The following CREB5 variants were observed in gnomAD, a reference collection of about 807,000 sequenced individuals.
CREB5 encodes the protein cAMP responsive element binding protein 5, also known as cyclic AMP-responsive element-binding protein 5.
Under a neutral mutation model 57.1 loss-of-function variants are expected in CREB5, and 19 were observed. That is an observed-to-expected ratio of 0.33 (90% CI 0.23 to 0.49). The LOEUF is 0.49. Ranked by LOEUF, CREB5 falls within the 20% of genes least tolerant of loss-of-function variation. CREB5 has a pLI of 0.99. For missense variants in CREB5, 579 were observed against 671.6 expected, an observed-to-expected ratio of 0.86 and a Z score of 1.52; for synonymous variants, 238 against 238.3, an observed-to-expected ratio of 1.00 and a Z score of 0.01.
intron 1 of CREB5, among the ~76,000 whole-genome samples, chr7:28,341,607 G>C (rs1443491133): frequency 6.6e-6 from 1 of 152,150 alleles, no homozygotes; most frequent in Non-Finnish European, 1.5e-5. Flanking sequence ...GAAGGGGTTT[G>C]CACTTTATTT....
intron 1 of CREB5, among the ~76,000 whole-genome samples, chr7:28,437,159 T>C (rs905196266): frequency 1.3e-5 from 2 of 152,142 alleles, no homozygotes; most frequent in African/African-American, 4.8e-5. Flanking sequence ...GACTTCACAC[T>C]ACTGTTTGTG....
chr7:28,337,632 T>A (rs73293239), intron 1 of CREB5, among the ~76,000 whole-genome samples: 1,948 of 152,162 alleles, frequency 0.013, 48 homozygotes, highest in African/African-American at 0.045. Flanking sequence ...CATTGGGTCT[T>A]GTTTGTTTTT....
chr7:28,313,905 T>C (rs1785327163), intron 1 of CREB5, among the ~76,000 whole-genome samples: 1 of 152,222 alleles, frequency 6.6e-6, no homozygotes, highest in Admixed American at 6.5e-5. Flanking sequence ...CAATGAGTTT[T>C]ATTGGGAGCT....
intron 1 of CREB5, among the ~76,000 whole-genome samples, chr7:28,399,921 G>C (rs1390995004): frequency 6.6e-6 from 1 of 152,166 alleles, no homozygotes; most frequent in Non-Finnish European, 1.5e-5. Flanking sequence ...AGCTGGGCGT[G>C]GTGGCAGGTG....
At chr7:28,784,504 C>T (rs901486774) in intron 7 of CREB5, among the ~76,000 whole-genome samples, 4 of 151,546 alleles carry the variant, frequency 2.6e-5, no homozygotes, top group Non-Finnish European at 5.9e-5. Context: ...ATTTTTTTTT[C>T]CCCCTCCTGG....
At chr7:28,736,903 C>T (rs1227394451) in intron 7 of CREB5, among the ~76,000 whole-genome samples, 4 of 150,024 alleles carry the variant, frequency 2.7e-5, no homozygotes, top group Non-Finnish European at 5.9e-5. Flanking sequence ...ATCCCTAGAA[C>T]CGTGCATGGA....
chr7:28,816,583 T>TA (rs1809453239), intron 9 of CREB5, among the ~76,000 whole-genome samples: 1 of 151,662 alleles, frequency 6.6e-6, no homozygotes, highest in African/African-American at 2.4e-5. Context: ...TATTTTATTA[T>TA]TTTTGTTATT....
At chr7:28,529,812 T>C (rs1793643354) in intron 4 of CREB5, among the ~76,000 whole-genome samples, 1 of 152,220 alleles carries the variant, frequency 6.6e-6, no homozygotes, top group Non-Finnish European at 1.5e-5. Flanking sequence ...CTTCAAGACA[T>C]GCTCAGCTCC....
chr7:28,547,786 A>G (rs1293208809), intron 4 of CREB5, among the ~76,000 whole-genome samples: 1 of 152,204 alleles, frequency 6.6e-6, no homozygotes, highest in Admixed American at 6.5e-5. Context: ...ATCTTTCGGT[A>G]TGTAGCTTTG....
intron 7 of CREB5, among the ~76,000 whole-genome samples, chr7:28,798,867 C>T (rs971977074): frequency 6.6e-6 from 1 of 152,168 alleles, no homozygotes; most frequent in Non-Finnish European, 1.5e-5. Context: ...CTCTCTCTCC[C>T]TTGCCTTTTC....
rs113464604 is a variant in CREB5 at position 28,430,673 on chromosome 7, T to TAAC, written c.3+17771_3+17773dup. Among the ~76,000 whole-genome samples, 1,499 of 152,242 alleles carry TAAC rather than the reference T, an allele frequency of 9.8e-3. 15 individuals carry two copies. The highest frequency in any genetic ancestry group is 0.017 in the Non-Finnish European group (1,129 of 68,014). ...GCTCAGTTTTCTTTTGCTAGCATCC[T>TAAC]AACAACAACAACAACAAAAATGTCA... On this transcript the variant is annotated intron_variant, in intron 1 of 10. Transcript: ENST00000357727.
At chr7:28,802,311 CTT>C (rs1447916851) in intron 7 of CREB5, among the ~76,000 whole-genome samples, 1 of 151,836 alleles carries the variant, frequency 6.6e-6, no homozygotes, top group Non-Finnish European at 1.5e-5. Flanking sequence ...ATCCTTTCCT[CTT>C]GTTTTTTATT....
chr7:28,743,468 G>C (rs1804495254), intron 7 of CREB5, among the ~76,000 whole-genome samples: 1 of 152,168 alleles, frequency 6.6e-6, no homozygotes, highest in Non-Finnish European at 1.5e-5. Context: ...AGGAAGTCAA[G>C]GCTGCAGTGA....
intron 4 of CREB5, among the ~76,000 whole-genome samples, chr7:28,509,643 G>A (rs1034780655): frequency 1.3e-5 from 2 of 152,224 alleles, no homozygotes; most frequent in African/African-American, 4.8e-5. Flanking sequence ...TGTTTCGTGA[G>A]TTGCTTTAAA....
chr7:28,560,827 C>CGTGCGT (rs1562797026), intron 4 of CREB5, among the ~76,000 whole-genome samples: 3 of 89,024 alleles, frequency 3.4e-5, no homozygotes, highest in Non-Finnish European at 4.6e-5. Flanking sequence ...TGTGTGCGCG[C>CGTGCGT]GCGCGCGTGT....
intron 1 of CREB5, among the ~76,000 whole-genome samples, chr7:28,310,768 T>G (rs1785261588): frequency 6.6e-6 from 1 of 152,250 alleles, no homozygotes; most frequent in Non-Finnish European, 1.5e-5. Flanking sequence ...CATGTCATTT[T>G]TACCTCTACG....
intron 1 of CREB5, among the ~76,000 whole-genome samples, chr7:28,330,299 CA>C (rs1785689493): frequency 6.6e-6 from 1 of 151,418 alleles, no homozygotes; most frequent in Non-Finnish European, 1.5e-5. Flanking sequence ...TCATGTTACT[CA>C]ATTGCTAGAT....
At chr7:28,691,312 C>T (rs1801243216) in intron 5 of CREB5, among the ~76,000 whole-genome samples, 1 of 148,308 alleles carries the variant, frequency 6.7e-6, no homozygotes, top group Non-Finnish European at 1.5e-5. Context: ...CTCAGCTACT[C>T]GGGAAGCTGA....
chr7:28,401,209 T>C (rs1787455078), intron 1 of CREB5, among the ~76,000 whole-genome samples: 1 of 152,092 alleles, frequency 6.6e-6, no homozygotes, highest in African/African-American at 2.4e-5. Context: ...AACATGCTAA[T>C]ACTCTTTGAG....
Sources: gnomAD v4.1 joint callset for allele counts (sites outside exome capture counted in the v4.1 genomes callset) on GRCh38, gnomAD v4.1.1 for gene constraint, MANE v1.5 for transcripts, NCBI Gene and HGNC (gene_info 2026-07-23, HGNC 2026-07-21) for gene names.